Variants in CDH18 observed in about 807,000 individuals in gnomAD.
The protein encoded by CDH18 is cadherin 18.
A neutral mutation model predicts 67.9 loss-of-function variants in CDH18; 31 were observed. That is an observed-to-expected ratio of 0.46 (90% CI 0.34 to 0.62). CDH18 has a LOEUF of 0.62. Ranked by LOEUF, CDH18 falls within the 20% of genes least tolerant of loss-of-function variation. The pLI is 0.01. For missense variants in CDH18, 890 were observed against 975.5 expected, an observed-to-expected ratio of 0.91 and a Z score of 1.17; for synonymous variants, 362 against 347.2, an observed-to-expected ratio of 1.04 and a Z score of -0.48.
intron 1 of CDH18, among the ~76,000 whole-genome samples, chr5:20,413,676 A>C (rs1747001958): frequency 6.6e-6 from 1 of 152,038 alleles, no homozygotes; most frequent in African/African-American, 2.4e-5. Flanking sequence ...TTTTTCTTGT[A>C]AATTTGTTTA....
In CDH18 at chr5:19,774,808, CAAAAAAAAAAAAAAAAAAAAAAAAAA is replaced by C. The variant is rs59248561; in HGVS notation, c.229-27598_229-27573del. 8.3e-3 allele frequency among the ~76,000 whole-genome samples: 293 copies of C among 35,424 alleles called. 2 individuals carry two copies. Among genetic ancestry groups the C allele is most frequent in the African/African-American group, 0.026 (258 of 9,872 alleles). 23.2% of individuals were successfully genotyped at this position (35,424 alleles called of 152,430 possible). On this transcript the variant is annotated intron_variant, in intron 3 of 12. Transcript: ENST00000382275. ...TGAGTGACAGAGCAAGACTCTGTCT[CAAAAAAAAAAAAAAAAAAAAAAAAAA>C]AAAAAAAAAAAAAAAGGCCAAGACT...
intron 1 of CDH18, among the ~76,000 whole-genome samples, chr5:19,984,733 G>T (rs918296318): frequency 2.1e-4 from 32 of 152,076 alleles, no homozygotes; most frequent in Admixed American, 3.9e-4. Context: ...TAAAGAAAAT[G>T]GCCTACAGAT....
At chr5:19,733,239 G>C (rs1767855447) in intron 4 of CDH18, among the ~76,000 whole-genome samples, 1 of 152,176 alleles carries the variant, frequency 6.6e-6, no homozygotes, top group South Asian at 2.1e-4. Flanking sequence ...CCTCTTTGTA[G>C]TGCTTTCCTT....
chr5:20,510,163 T>C (rs1020980230), intron 1 of CDH18, among the ~76,000 whole-genome samples: 1 of 152,176 alleles, frequency 6.6e-6, no homozygotes, highest in African/African-American at 2.4e-5. Flanking sequence ...TTTTTTTTCA[T>C]AGGCCTATTG....
chr5:20,231,218 T>TA (rs1198018513), intron 2 of CDH18, among the ~76,000 whole-genome samples: 1 of 152,242 alleles, frequency 6.6e-6, no homozygotes, highest in Non-Finnish European at 1.5e-5. Context: ...AGTAAAACTT[T>TA]AGGGGGTTTA....
At chr5:19,690,818 C>T (rs900938539) in intron 5 of CDH18, among the ~76,000 whole-genome samples, 3 of 151,724 alleles carry the variant, frequency 2.0e-5, no homozygotes, top group Admixed American at 2.0e-4. Flanking sequence ...ATCCCAGGAC[C>T]TAAAGGTTTC....
chr5:20,567,624 A>T (rs1758587206), intron 1 of CDH18, among the ~76,000 whole-genome samples: 1 of 152,174 alleles, frequency 6.6e-6, no homozygotes, highest in Admixed American at 6.5e-5. Flanking sequence ...AATAGAAAAG[A>T]TATGAGAATG....
chr5:20,251,600 G>A (rs1743863039), intron 2 of CDH18, among the ~76,000 whole-genome samples: 1 of 152,172 alleles, frequency 6.6e-6, no homozygotes, highest in Non-Finnish European at 1.5e-5. Flanking sequence ...ATGTAATCAA[G>A]GTTGGAGTAT....
chr5:20,151,046 T>C (rs921379711), intron 2 of CDH18, among the ~76,000 whole-genome samples: 128 of 152,056 alleles, frequency 8.4e-4, no homozygotes, highest in African/African-American at 2.9e-3. Context: ...ATATAGTGGG[T>C]CCTATATCTG....
At chr5:20,536,371 T>A (rs1319259049) in intron 1 of CDH18, among the ~76,000 whole-genome samples, 2 of 152,146 alleles carry the variant, frequency 1.3e-5, no homozygotes, top group East Asian at 3.9e-4. Flanking sequence ...GTGATAAGAA[T>A]GTCAATGCTC....
chr5:20,379,331 A>G (rs1743725641), intron 1 of CDH18, among the ~76,000 whole-genome samples: 1 of 152,216 alleles, frequency 6.6e-6, no homozygotes, highest in African/African-American at 2.4e-5. Flanking sequence ...TATGTTGTAG[A>G]GCCATACTTA....
chr5:20,402,021 T>C (rs996210528), intron 1 of CDH18, among the ~76,000 whole-genome samples: 4 of 152,130 alleles, frequency 2.6e-5, no homozygotes, highest in African/African-American at 7.2e-5. Flanking sequence ...GCTCTTTTTA[T>C]CAACTCACTC....
intron 2 of CDH18, among the ~76,000 whole-genome samples, chr5:20,224,573 A>G (rs1741464530): frequency 6.6e-6 from 1 of 151,248 alleles, no homozygotes; most frequent in Admixed American, 6.6e-5. Flanking sequence ...ATAAATTTAT[A>G]CTGGATAAGC....
chr5:20,175,820 G>A (rs1253709367), intron 2 of CDH18, among the ~76,000 whole-genome samples: 1 of 152,030 alleles, frequency 6.6e-6, no homozygotes, highest in Non-Finnish European at 1.5e-5. Context: ...TGCCCACCCA[G>A]AATAAGGGTG....
intron 11 of CDH18, among the ~76,000 whole-genome samples, chr5:19,498,296 T>TA (rs1561202016): frequency 6.6e-6 from 1 of 151,856 alleles, no homozygotes. Context: ...TGGAAGAAAA[T>TA]AAAAAATTAA....
intron 2 of CDH18, among the ~76,000 whole-genome samples, chr5:19,945,469 C>A (rs1176493990): frequency 6.6e-6 from 1 of 152,056 alleles, no homozygotes; most frequent in Non-Finnish European, 1.5e-5. Context: ...AGGATTTAAT[C>A]CAAAACCTGT....
At chr5:19,757,940 T>C (rs1771825190) in intron 3 of CDH18, among the ~76,000 whole-genome samples, 1 of 152,164 alleles carries the variant, frequency 6.6e-6, no homozygotes, top group South Asian at 2.1e-4. Flanking sequence ...TGTCCACTTT[T>C]GGGTGGTGCC....
intron 1 of CDH18, among the ~76,000 whole-genome samples, chr5:20,423,135 C>T (rs568051811): frequency 6.6e-6 from 1 of 151,270 alleles, no homozygotes; most frequent in African/African-American, 2.5e-5. Flanking sequence ...CTGTGCACTG[C>T]GCGCTGGAAC....
chr5:19,743,722 A>G (rs1301565039), intron 4 of CDH18, among the ~76,000 whole-genome samples: 1 of 152,054 alleles, frequency 6.6e-6, no homozygotes, highest in Non-Finnish European at 1.5e-5. Flanking sequence ...AGAGTTCAAG[A>G]CCAGCCTGGC....
Sources: allele counts gnomAD v4.1 joint callset (sites outside exome capture counted in the v4.1 genomes callset), GRCh38; gene constraint gnomAD v4.1.1; transcripts MANE v1.5; gene names NCBI Gene and HGNC (gene_info 2026-07-23, HGNC 2026-07-21).